Variants in PPP2R3B observed in about 807,000 individuals in gnomAD.
The protein encoded by PPP2R3B is serine/threonine-protein phosphatase 2A regulatory subunit B'' subunit beta.
In PPP2R3B, 68 loss-of-function variants were observed where a neutral mutation model predicts 72.9. The observed-to-expected ratio is 0.93, with a 90% CI of 0.77 to 1.14. The LOEUF (loss-of-function observed/expected upper bound fraction) is 1.14, where lower values mean the gene tolerates loss of function less well. PPP2R3B is among the 50% of genes most tolerant of loss of function. The probability of loss-of-function intolerance (pLI) is 0.00; values close to 1 mark genes in which losing one functional copy is unlikely to be tolerated. For synonymous variants in PPP2R3B, 466 were observed against 375.8 expected (o/e 1.24, Z -2.78); for missense variants, 1,018 against 842.0 (o/e 1.21, Z -2.59).
intron 8 of PPP2R3B, 135 bp downstream of exon 8, chrX:341,747 GC>G: frequency 4.2e-6 from 4 of 942,542 alleles, no homozygotes; most frequent in Non-Finnish European, 6.9e-6. Flanking sequence ...AGAGACACGT[GC>G]CCCCCTCGCC....
intron 1 of PPP2R3B, among the ~76,000 whole-genome samples, chrX:375,533 G>A (rs1179471921): frequency 7.0e-6 from 1 of 143,844 alleles, no homozygotes; most frequent in African/African-American, 2.7e-5. Context: ...GGGCAGAGGT[G>A]CCGTCCCGTC....
chrX:360,559 A>C (rs769424925), intron 2 of PPP2R3B, among the ~76,000 whole-genome samples: 1 of 152,066 alleles, frequency 6.6e-6, no homozygotes, highest in East Asian at 1.9e-4. Context: ...AAAAACAAAA[A>C]CCTGCTCACT....
chrX:365,485 G>A (rs2071689242), intron 1 of PPP2R3B, among the ~76,000 whole-genome samples: 1 of 28,766 alleles, frequency 3.5e-5, no homozygotes, highest in Non-Finnish European at 5.5e-5. Context: ...GGAGGTTGCA[G>A]TGAGCTGAGA....
intron 12 of PPP2R3B, 187 bp downstream of exon 12, chrX:338,417 C>A: frequency 3.1e-6 from 2 of 643,538 alleles, no homozygotes; most frequent in South Asian, 3.6e-5. Flanking sequence ...CCGGCCCTGT[C>A]ATCGGCTGTC....
intron 12 of PPP2R3B, chrX:335,275 C>G (rs749831533): frequency 3.3e-5 from 5 of 152,356 alleles, no homozygotes. Flanking sequence ...AGGTGACAGA[C>G]GGTGGTGGGG....
chrX:338,521 C>G, intron 12 of PPP2R3B, 83 bp downstream of exon 12: 2 of 405,612 alleles, frequency 4.9e-6, no homozygotes, highest in South Asian at 1.1e-4. Context: ...TGCACACACA[C>G]CCGTCCTCCC....
At chrX:334,589 A>AG (rs2070837963) in intron 12 of PPP2R3B, 72 bp from the exon 13 acceptor site, 11 of 1,366,818 alleles carry the variant, frequency 8.0e-6, no homozygotes, top group Non-Finnish European at 1.0e-5. Flanking sequence ...CGGGAAACAC[A>AG]GGCTGCTCGG....
intron 2 of PPP2R3B, among the ~76,000 whole-genome samples, chrX:353,928 C>G (rs1383295797): frequency 1.4e-5 from 2 of 144,734 alleles, no homozygotes; most frequent in East Asian, 2.1e-4. Flanking sequence ...CGCCCAGGGA[C>G]CGGGGGCTCA....
chrX:341,404 G>T lies in PPP2R3B; in HGVS notation c.1086-8C>A, dbSNP rs2738364. On this transcript the variant is annotated splice_region_variant and splice_polypyrimidine_tract_variant and intron_variant, in intron 8 of 12. Coordinates refer to ENST00000390665, the MANE Select transcript of PPP2R3B (RefSeq NM_013239.5). The stretch of plus-strand genomic sequence containing the variant: ...TTCTGCACTTTTCTGCCTCTAGATC[G>T]AAAGCCAGGATGGAGAGACGAAGAT... The T allele has an allele frequency of 6.2e-7, 1 of 1,611,720 alleles. No homozygotes were observed. Among genetic ancestry groups the T allele is most frequent in the Non-Finnish European group, 8.5e-7 (1 of 1,179,102 alleles).
rs902837726 is a variant in PPP2R3B at position 348,029 on chromosome X, G to A, written c.511-336C>T. Reference sequence around the variant, plus strand: ...AGTAAGTACGGGAATAAATGGCCCCGTCAGCCAGGCAACGCGGTGAATCGG... The same window carrying A: ...AGTAAGTACGGGAATAAATGGCCCCATCAGCCAGGCAACGCGGTGAATCGG... On this transcript the variant is annotated intron_variant, in intron 2 of 12. Coordinates refer to ENST00000390665, the MANE Select transcript of PPP2R3B (RefSeq NM_013239.5). 7.2e-5 allele frequency among the ~76,000 whole-genome samples: 11 copies of A among 152,136 alleles called. No individual in the cohort carries two copies. The South Asian group carries it at 8.3e-4, about 11-fold the overall frequency.
At chrX:363,614 A>ATGCATCTCCATGAGTCCACGATCCCACAG (rs2071606026) in intron 1 of PPP2R3B, among the ~76,000 whole-genome samples, 1 of 5,024 alleles carries the variant, frequency 2.0e-4, no homozygotes, top group Non-Finnish European at 4.5e-4. Flanking sequence ...CAATCCCACA[A>ATGCATCTCCATGAGTCCACGATCCCACAG]TGCATCTCCC....
intron 1 of PPP2R3B, among the ~76,000 whole-genome samples, chrX:382,933 A>G (rs748673442): frequency 2.0e-5 from 3 of 152,056 alleles, no homozygotes; most frequent in Admixed American, 6.6e-5. Context: ...TTACTAGCAC[A>G]TGCTTCTTGA....
chrX:378,692 G>A (rs1407056776), intron 1 of PPP2R3B, among the ~76,000 whole-genome samples: 3 of 152,038 alleles, frequency 2.0e-5, no homozygotes, highest in African/African-American at 4.8e-5. Context: ...AGGGGAGGGA[G>A]GGATGAAGCT....
In PPP2R3B at chrX:386,533, C is replaced by A. The variant is rs893392915; in HGVS notation, c.159G>T (p.Glu53Asp). Residue 53 changes from glutamate (E) to aspartate (D), a missense_variant, in exon 1 of 13, where the codon GAG (glutamate) becomes GAT (aspartate). Physicochemically the swap from Glu to Asp is conservative, Grantham distance 45. Coordinates refer to ENST00000390665, the MANE Select transcript of PPP2R3B (RefSeq NM_013239.5). ...GGGCTGTGGGCCAGGCCCCGGGCTG[C>A]TCCCCGTCCCCCGGGGTCGGCTGGT... is the stretch of plus-strand genomic sequence containing the variant. Reference protein sequence around the residue: ...GRDQPTPGDGEQPGAWPTAPL... With the variant: ...GRDQPTPGDGDQPGAWPTAPL... The A allele has an allele frequency of 8.4e-6, 12 of 1,428,828 alleles. No homozygotes were observed. In the Admixed American group the frequency reaches 2.6e-4, roughly 31 times the overall value. The allele number at this position is 1,428,828 out of a possible 1,614,324, so 88.5% of individuals were successfully genotyped here.
At chrX:354,861 C>A (rs969986002) in intron 2 of PPP2R3B, among the ~76,000 whole-genome samples, 43 of 152,282 alleles carry the variant, frequency 2.8e-4, no homozygotes, top group African/African-American at 9.9e-4. Context: ...AAAAAAAACA[C>A]AAGAGCTCCC....
intron 12 of PPP2R3B, chrX:336,120 A>AT (rs1397067812): frequency 6.6e-6 from 1 of 152,190 alleles, no homozygotes; most frequent in African/African-American, 2.4e-5. Flanking sequence ...GTGAGCTGAG[A>AT]TTGCGCCAAT....
chrX:381,985 C>T (rs2072136485), intron 1 of PPP2R3B, among the ~76,000 whole-genome samples: 1 of 152,096 alleles, frequency 6.6e-6, no homozygotes, highest in Admixed American at 6.6e-5. Flanking sequence ...CCATAGGTTC[C>T]AAACACGTAG....
intron 1 of PPP2R3B, among the ~76,000 whole-genome samples, chrX:382,686 T>A (rs1045244028): frequency 1.3e-5 from 2 of 152,122 alleles, no homozygotes; most frequent in Non-Finnish European, 2.9e-5. Context: ...GAATATATCA[T>A]CCTCTCACAT....
Position 347,571 on chromosome X carries a change from T to A in PPP2R3B, c.614+19A>T. 6.4e-7 allele frequency: 1 copy of A among 1,561,198 alleles called. No individual in the cohort carries two copies. Among genetic ancestry groups the A allele is most frequent in the Non-Finnish European group, 8.7e-7 (1 of 1,152,660 alleles). On this transcript the variant is annotated intron_variant, in intron 3 of 12. Coordinates refer to ENST00000390665, the MANE Select transcript of PPP2R3B (RefSeq NM_013239.5). ...CCTCCGCCCTCCCGACACAGCCCCC[T>A]GCCCAGCCCAGGACTCACTTTCTCC...
Sources: gnomAD v4.1 joint callset for allele counts (sites outside exome capture counted in the v4.1 genomes callset) on GRCh38, gnomAD v4.1.1 for gene constraint, MANE v1.5 for transcripts, NCBI Gene and HGNC (gene_info 2026-07-23, HGNC 2026-07-21) for gene names.